The following RSF1 variants were observed in gnomAD, a reference collection of about 807,000 sequenced individuals.
RSF1 encodes the protein HBV pX-associated protein 8.
RSF1 carries 13 observed loss-of-function variants against 145.2 expected under a neutral mutation model. That is an observed-to-expected ratio of 0.09 (90% CI 0.06 to 0.14). RSF1 has a LOEUF of 0.14. RSF1 is among the 10% of genes least tolerant of loss of function. RSF1 has a pLI of 1.00. For synonymous variants in RSF1, 577 were observed against 592.6 expected, an observed-to-expected ratio of 0.97 and a Z score of 0.38; for missense variants, 1,517 against 1,718.2, an observed-to-expected ratio of 0.88 and a Z score of 2.07.
intron 4 of RSF1, among the ~76,000 whole-genome samples, chr11:77,728,805 T>C (rs1961123801): frequency 6.6e-6 from 1 of 152,024 alleles, no homozygotes; most frequent in Admixed American, 6.6e-5. Context: ...GGTACAGGGT[T>C]TTCTTTTTAG....
At chr11:77,839,851 A>T in the RSF1 span, among the ~76,000 whole-genome samples, 36 of 152,270 alleles carry the variant, frequency 2.4e-4, no homozygotes, top group Admixed American at 5.9e-4. Context: ...GCATCAGGAT[A>T]AATAGCTAAT....
At chr11:77,774,892 G>A (rs1020352708) in intron 1 of RSF1, among the ~76,000 whole-genome samples, 3 of 149,540 alleles carry the variant, frequency 2.0e-5, no homozygotes, top group Non-Finnish European at 4.4e-5. Flanking sequence ...TCAGCCTCCC[G>A]AGTAGCTAGG....
At chr11:77,772,794 T>C (rs1948300021) in intron 1 of RSF1, among the ~76,000 whole-genome samples, 1 of 142,520 alleles carries the variant, frequency 7.0e-6, no homozygotes, top group South Asian at 2.3e-4. Flanking sequence ...TAATTCACAC[T>C]CTTTTCAGAC....
chr11:77,754,233 TAA>T (rs766316639), intron 2 of RSF1, among the ~76,000 whole-genome samples: 52 of 151,700 alleles, frequency 3.4e-4, no homozygotes, highest in Non-Finnish European at 6.6e-4. Flanking sequence ...ATGCTGAAAA[TAA>T]AAAAGAGTAA....
intron 5 of RSF1, among the ~76,000 whole-genome samples, chr11:77,722,564 T>C (rs993569649): frequency 1.3e-5 from 2 of 152,318 alleles, no homozygotes; most frequent in African/African-American, 2.4e-5. Flanking sequence ...TTTAAGAGCA[T>C]AGGGTATAGA....
At chr11:77,862,454 C>A in the RSF1 span, among the ~76,000 whole-genome samples, 1 of 152,120 alleles carries the variant, frequency 6.6e-6, no homozygotes, top group South Asian at 2.1e-4. Context: ...GAAAAAGGTA[C>A]GTGTACTCTG....
chr11:77,831,695 T>C, the RSF1 span, among the ~76,000 whole-genome samples: 21 of 88,032 alleles, frequency 2.4e-4, no homozygotes, highest in Admixed American at 2.7e-3. Context: ...CTTAGGTATC[T>C]TTTTTTTTTT....
chr11:77,768,373 G>A (rs965544469), intron 1 of RSF1, among the ~76,000 whole-genome samples: 13 of 152,076 alleles, frequency 8.5e-5, no homozygotes, highest in African/African-American at 3.1e-4. Context: ...ATGTTCGTCA[G>A]GCTGGTCTCG....
intron 5 of RSF1, among the ~76,000 whole-genome samples, chr11:77,713,778 CT>C (rs1417046722): frequency 6.6e-6 from 1 of 152,012 alleles, no homozygotes; most frequent in African/African-American, 2.4e-5. Flanking sequence ...AGATGTTTAT[CT>C]TAATCTTTTT....
chr11:77,807,565 G>C (rs1948689447), intron 1 of RSF1, among the ~76,000 whole-genome samples: 1 of 152,176 alleles, frequency 6.6e-6, no homozygotes, highest in Admixed American at 6.5e-5. Flanking sequence ...GTAAACGAAA[G>C]ACAGATGAAG....
In RSF1 at chr11:77,725,640, A is replaced by T. The variant is rs763121414; in HGVS notation, c.638T>A (p.Leu213Gln). ...ALLKAQIDPVLLKNSSQQDNS... is the reference protein window; with the variant it reads ...ALLKAQIDPVQLKNSSQQDNS... Reference sequence around the variant, plus strand: ...GTCTTGTTGGCTAGAGTTTTTCAATAGTACAGGATCAATTTGTGCTTTCAG... The same window carrying T: ...GTCTTGTTGGCTAGAGTTTTTCAATTGTACAGGATCAATTTGTGCTTTCAG... The change falls in exon 5 of 16, where the codon CTA becomes CAA. Residue 213 changes from leucine to glutamine, a missense_variant. Leu to Gln is a moderately radical substitution (Grantham distance 113). Coordinates refer to ENST00000308488, the MANE Select transcript of RSF1 (RefSeq NM_016578.4). The T allele has an allele frequency of 1.9e-6, 3 of 1,611,442 alleles. No homozygotes were observed. In the East Asian group the frequency reaches 6.7e-5, roughly 36 times the overall value.
chr11:77,728,866 TA>T (rs550635070), intron 4 of RSF1, among the ~76,000 whole-genome samples: 28 of 144,002 alleles, frequency 1.9e-4, no homozygotes, highest in African/African-American at 2.8e-4. Flanking sequence ...GCATAACTTG[TA>T]AAAAAAAAAA....
upstream of RSF1, among the ~76,000 whole-genome samples, chr11:77,824,154 C>G (rs1016652203): frequency 1.3e-5 from 2 of 152,190 alleles, no homozygotes; most frequent in Admixed American, 6.5e-5. Flanking sequence ...ATAAATGACA[C>G]ACACCCATAA....
chr11:77,780,116 C>T (rs1489090300), intron 1 of RSF1, among the ~76,000 whole-genome samples: 2 of 152,220 alleles, frequency 1.3e-5, no homozygotes, highest in African/African-American at 2.4e-5. Flanking sequence ...CTCTATCCCA[C>T]ATTAAACAGG....
At chr11:77,826,938 CTACTAAAAA>C in the RSF1 span, among the ~76,000 whole-genome samples, 1 of 152,104 alleles carries the variant, frequency 6.6e-6, no homozygotes, top group African/African-American at 2.4e-5. Flanking sequence ...AACACCATCT[CTACTAAAAA>C]TACAAAAATT....
At chr11:77,736,564 T>C (rs879712173) in intron 4 of RSF1, among the ~76,000 whole-genome samples, 18 of 152,226 alleles carry the variant, frequency 1.2e-4, no homozygotes, top group Admixed American at 2.0e-4. Flanking sequence ...CAATGTTTTC[T>C]ACATTCAACC....
chr11:77,774,447 C>T (rs1179645437), intron 1 of RSF1, among the ~76,000 whole-genome samples: 1 of 151,772 alleles, frequency 6.6e-6, no homozygotes, highest in East Asian at 1.9e-4. Context: ...TGGTGTGCAC[C>T]TGTAGTCCCA....
chr11:77,691,362 A>G, intron 8 of RSF1, 124 bp from the exon 9 acceptor site: 1 of 721,562 alleles, frequency 1.4e-6, no homozygotes, highest in East Asian at 2.6e-5. Flanking sequence ...TAAGTGAACA[A>G]TGAAGCTTTT....
At chr11:77,821,006 G>A (rs2136002620), upstream of RSF1, 1 of 378,284 alleles carries the variant, frequency 2.6e-6, no homozygotes, top group Non-Finnish European at 4.8e-6. Context: ...GTGACAGGGG[G>A]AATGAAAACA....
Sources: gnomAD v4.1 joint callset for allele counts (sites outside exome capture counted in the v4.1 genomes callset) on GRCh38, gnomAD v4.1.1 for gene constraint, MANE v1.5 for transcripts, NCBI Gene and HGNC (gene_info 2026-07-23, HGNC 2026-07-21) for gene names.